NEGR1: variants seen among roughly 807,000 people sequenced by gnomAD.
NEGR1 encodes the protein neuronal growth regulator 1.
In NEGR1, 10 loss-of-function variants were observed where a neutral mutation model predicts 40.9. The observed-to-expected ratio is 0.24, with a 90% CI of 0.15 to 0.42. The LOEUF (loss-of-function observed/expected upper bound fraction) is 0.42, where lower values mean the gene tolerates loss of function less well. Among genes scored for constraint, NEGR1 ranks in the 10% least tolerant of loss-of-function variants. NEGR1 has a pLI of 1.00. For missense variants in NEGR1, 352 were observed against 438.9 expected (o/e 0.80, Z 1.77); for synonymous variants, 185 against 166.8 (o/e 1.11, Z -0.84).
rs542381407 is a variant in NEGR1, at chr1:71,557,430, T to C, written c.940+35387A>G. Among the ~76,000 whole-genome samples the C allele has an allele frequency of 8.0e-4, 122 of 151,718 alleles. 1 individual carries two copies. Among genetic ancestry groups the C allele is most frequent in the African/African-American group, 2.8e-3 (118 of 41,464 alleles). ...TGTCAACTTTAGAGTGCTTTGAAAG[T>C]GACAATGAACGTCATGCACTTGGAG... On this transcript the variant is annotated intron_variant, in intron 6 of 6. Coordinates refer to ENST00000357731, the MANE Select transcript of NEGR1 (RefSeq NM_173808.3).
chr1:72,097,632 C>T (rs549925859), intron 1 of NEGR1, among the ~76,000 whole-genome samples: 70 of 152,330 alleles, frequency 4.6e-4, no homozygotes, highest in African/African-American at 1.5e-3. Context: ...TGCCCCCATG[C>T]CTTCCCATTT....
intron 1 of NEGR1, among the ~76,000 whole-genome samples, chr1:72,004,930 C>T (rs1646592925): frequency 2.0e-5 from 3 of 152,046 alleles, no homozygotes. Flanking sequence ...ATCTATTGAG[C>T]ACCTCCAAAT....
chr1:71,687,652 G>A (rs996186556), intron 4 of NEGR1, among the ~76,000 whole-genome samples: 3 of 152,134 alleles, frequency 2.0e-5, no homozygotes, highest in Admixed American at 1.3e-4. Context: ...TTATTTCAGT[G>A]TCAGCCATTC....
chr1:71,680,519 C>T (rs1049602172), intron 4 of NEGR1, among the ~76,000 whole-genome samples: 15 of 152,116 alleles, frequency 9.9e-5, no homozygotes, highest in Non-Finnish European at 2.2e-4. Flanking sequence ...GACTAACATC[C>T]TCAGAAGTTT....
At chr1:72,206,812 T>C (rs1351052006) in intron 1 of NEGR1, among the ~76,000 whole-genome samples, 1 of 151,956 alleles carries the variant, frequency 6.6e-6, no homozygotes, top group African/African-American at 2.4e-5. Flanking sequence ...TAAAGAAGGC[T>C]AAAGATGGGT....
chr1:71,438,650 C>T (rs1391513837), intron 6 of NEGR1, among the ~76,000 whole-genome samples: 1 of 152,188 alleles, frequency 6.6e-6, no homozygotes, highest in Non-Finnish European at 1.5e-5. Context: ...AGAAAATGGC[C>T]TTACTAACCT....
chr1:71,756,394 C>CAAAAAAAAAA (rs1293104436), intron 3 of NEGR1, among the ~76,000 whole-genome samples: 3 of 58,506 alleles, frequency 5.1e-5, no homozygotes, highest in Non-Finnish European at 1.0e-4. Context: ...CTCAAAAAAA[C>CAAAAAAAAAA]AAAAAACAAA....
chr1:71,865,000 A>G (rs1660070856), intron 2 of NEGR1, among the ~76,000 whole-genome samples: 4 of 152,178 alleles, frequency 2.6e-5, no homozygotes, highest in Admixed American at 2.6e-4. Flanking sequence ...AGAACAGTTC[A>G]TTGAGGCAGT....
chr1:72,069,496 A>T (rs1404768860), intron 1 of NEGR1, among the ~76,000 whole-genome samples: 2 of 152,064 alleles, frequency 1.3e-5, no homozygotes, highest in East Asian at 1.9e-4. Flanking sequence ...TTTGATTAAG[A>T]TGGTAGGTGG....
chr1:72,148,817 A>G (rs1415667747), intron 1 of NEGR1, among the ~76,000 whole-genome samples: 1 of 152,160 alleles, frequency 6.6e-6, no homozygotes, highest in Non-Finnish European at 1.5e-5. Flanking sequence ...AGACCACCTC[A>G]GGCTGGACCT....
At chr1:72,261,745 G>A (rs1357947098) in intron 1 of NEGR1, among the ~76,000 whole-genome samples, 1 of 151,912 alleles carries the variant, frequency 6.6e-6, no homozygotes, top group East Asian at 1.9e-4. Context: ...CATTATCCTA[G>A]GTGAAATAAT....
At chr1:72,034,000 T>A (rs1452732332) in intron 1 of NEGR1, among the ~76,000 whole-genome samples, 1 of 152,164 alleles carries the variant, frequency 6.6e-6, no homozygotes, top group Non-Finnish European at 1.5e-5. Flanking sequence ...ACCAACAAAA[T>A]TCTGTCCTCT....
chr1:71,900,631 CA>C (rs1208633339), intron 2 of NEGR1, among the ~76,000 whole-genome samples: 3 of 151,988 alleles, frequency 2.0e-5, no homozygotes, highest in Admixed American at 2.0e-4. Context: ...GGCAAGGCTC[CA>C]ATTAACGTAG....
chr1:71,560,821 G>T (rs1265433230), intron 6 of NEGR1, among the ~76,000 whole-genome samples: 2 of 151,340 alleles, frequency 1.3e-5, no homozygotes, highest in African/African-American at 4.8e-5. Context: ...CCTGAAGTAG[G>T]AAAGATTTTC....
intron 6 of NEGR1, among the ~76,000 whole-genome samples, chr1:71,530,435 A>G (rs1647317431): frequency 6.6e-6 from 1 of 151,204 alleles, no homozygotes; most frequent in South Asian, 2.1e-4. Flanking sequence ...TTTGTTTATC[A>G]TTTATACCGC....
chr1:71,478,720 C>G (rs1355508409), intron 6 of NEGR1, among the ~76,000 whole-genome samples: 1 of 151,996 alleles, frequency 6.6e-6, no homozygotes, highest in Non-Finnish European at 1.5e-5. Flanking sequence ...TACTCTTCCC[C>G]TCTTGCTTTC....
intron 6 of NEGR1, among the ~76,000 whole-genome samples, chr1:71,455,346 T>C (rs1481333525): frequency 6.6e-6 from 1 of 152,228 alleles, no homozygotes; most frequent in Non-Finnish European, 1.5e-5. Flanking sequence ...TGAATGAATG[T>C]AGGTGATCAG....
At chr1:71,630,079 T>C (rs1650922927) in intron 4 of NEGR1, among the ~76,000 whole-genome samples, 1 of 152,008 alleles carries the variant, frequency 6.6e-6, no homozygotes. Flanking sequence ...ATGTTCTACC[T>C]TCTGGACATA....
chr1:71,867,872 G>A (rs1447201279), intron 2 of NEGR1, among the ~76,000 whole-genome samples: 1 of 151,964 alleles, frequency 6.6e-6, no homozygotes, highest in African/African-American at 2.4e-5. Flanking sequence ...TAGCAACACT[G>A]TTCAAATTTA....
Sources: allele counts gnomAD v4.1 joint callset (sites outside exome capture counted in the v4.1 genomes callset), GRCh38; gene constraint gnomAD v4.1.1; transcripts MANE v1.5; gene names NCBI Gene and HGNC (gene_info 2026-07-23, HGNC 2026-07-21).